Variants in POR observed in about 807,000 individuals in gnomAD.
POR encodes the protein cytochrome p450 oxidoreductase.
A neutral mutation model predicts 84.0 loss-of-function variants in POR; 56 were observed. The ratio of observed to expected loss-of-function variants is 0.67; its 90% CI spans 0.54 to 0.83. The LOEUF is 0.83. Among genes scored for constraint, POR ranks in the 40% least tolerant of loss-of-function variants. The probability of loss-of-function intolerance (pLI) is 0.00; values close to 1 mark genes in which losing one functional copy is unlikely to be tolerated. For missense variants in POR, 938 were observed against 944.3 expected, an observed-to-expected ratio of 0.99 and a Z score of 0.09; for synonymous variants, 414 against 400.5, an observed-to-expected ratio of 1.03 and a Z score of -0.40.
At chr7:75,979,348 G>A in intron 3 of POR, 103 bp from the exon 4 acceptor site, 1 of 1,384,788 alleles carries the variant, frequency 7.2e-7, no homozygotes, top group Non-Finnish European at 9.9e-7. Flanking sequence ...AGGAAAGGGG[G>A]CGGCCTGGAG....
intron 2 of POR, among the ~76,000 whole-genome samples, chr7:75,954,649 C>T (rs181997136): frequency 1.2e-3 from 186 of 151,786 alleles, no homozygotes; most frequent in African/African-American, 4.3e-3. Flanking sequence ...AGGCAGTCTT[C>T]CCACCTCAGC....
At chr7:75,953,201 C>T (rs956119648) in intron 1 of POR, among the ~76,000 whole-genome samples, 7 of 151,694 alleles carry the variant, frequency 4.6e-5, no homozygotes, top group Non-Finnish European at 7.4e-5. Context: ...CGCCTGCAAT[C>T]GCAGGCACTC....
chr7:75,965,038 T>TAA (rs11409081), intron 2 of POR, among the ~76,000 whole-genome samples: 1 of 151,500 alleles, frequency 6.6e-6, no homozygotes, highest in African/African-American at 2.4e-5. Context: ...AAAATCAATT[T>TAA]AAAAAAATGA....
chr7:75,922,025 C>A (rs1554548898), intron 1 of POR, among the ~76,000 whole-genome samples: 2 of 152,132 alleles, frequency 1.3e-5, no homozygotes, highest in African/African-American at 4.8e-5. Flanking sequence ...TGTCTTATTG[C>A]ATGTTTTCTT....
Position 75,927,670 on chromosome 7 carries a change from A to ATT in POR, c.-5+12508_-5+12509dup, listed in dbSNP as rs36041813. Among the ~76,000 whole-genome samples the ATT allele has an allele frequency of 1.2e-3, 165 of 135,196 alleles. 2 individuals carry two copies. The highest frequency in any genetic ancestry group is 2.5e-3 in the African/African-American group (89 of 35,744). 88.7% of individuals were successfully genotyped at this position (135,196 alleles called of 152,430 possible). ...TTTATGGTGTGTGAATTCTGTCTCA[A>ATT]TTTTTTTTTTTTTTTTTTGAGACTG... is the stretch of plus-strand genomic sequence containing the variant. On this transcript the variant is annotated intron_variant, in intron 1 of 15. Coordinates refer to ENST00000461988, the MANE Select transcript of POR (RefSeq NM_000941.3).
chr7:75,984,194 C>A (rs1789260685), intron 10 of POR, among the ~76,000 whole-genome samples: 1 of 152,224 alleles, frequency 6.6e-6, no homozygotes, highest in South Asian at 2.1e-4. Flanking sequence ...CCTCTGCCGG[C>A]CTGGGGCTGC....
intron 2 of POR, among the ~76,000 whole-genome samples, chr7:75,969,037 G>A (rs1290085652): frequency 2.6e-5 from 4 of 152,188 alleles, no homozygotes; most frequent in South Asian, 2.1e-4. Context: ...GGCCTTTCCC[G>A]GTTTCTTCAG....
intron 1 of POR, among the ~76,000 whole-genome samples, chr7:75,937,018 G>A (rs1200434791): frequency 1.3e-5 from 2 of 150,938 alleles, no homozygotes; most frequent in Non-Finnish European, 3.0e-5. Flanking sequence ...TAGTAGAGAC[G>A]GGGTTTCACC....
chr7:75,969,098 C>G (rs1554555767), intron 2 of POR, among the ~76,000 whole-genome samples: 1 of 152,214 alleles, frequency 6.6e-6, no homozygotes, highest in African/African-American at 2.4e-5. Context: ...CTGTCCTGTC[C>G]CATCCGTCCC....
rs782521790 is a variant in POR, at chr7:75,986,200, G to A, written c.1857G>A (p.Leu619=). The A allele has an allele frequency of 1.2e-6, 2 of 1,612,596 alleles. No homozygotes were observed. The highest frequency in any genetic ancestry group is 1.1e-5 in the South Asian group (1 of 91,072). The change falls in exon 15 of 16, where the codon CTG becomes CTA. Residue 619 remains leucine (L), a synonymous_variant. Transcript: ENST00000461988. ...TGCTAAAGCAAGACCGAGAGCACCTGTGGAAGTTGATCGAAGGCGGTGCCC... is the reference window on the plus strand; with the variant it reads ...TGCTAAAGCAAGACCGAGAGCACCTATGGAAGTTGATCGAAGGCGGTGCCC...
At chr7:75,943,348 A>G (rs1156356629) in intron 1 of POR, among the ~76,000 whole-genome samples, 3 of 152,164 alleles carry the variant, frequency 2.0e-5, no homozygotes, top group Admixed American at 6.6e-5. Context: ...CTCTGAGCTC[A>G]AAATAGTCAC....
intron 2 of POR, among the ~76,000 whole-genome samples, chr7:75,965,304 CAT>C (rs67144178): frequency 0.35 from 53,424 of 151,996 alleles, 9,624 homozygotes; most frequent in Middle Eastern, 0.48. Flanking sequence ...CTTTTGAAAA[CAT>C]AATTCTGGGA....
At chr7:75,958,666 G>T (rs368361398) in intron 2 of POR, among the ~76,000 whole-genome samples, 5 of 151,922 alleles carry the variant, frequency 3.3e-5, no homozygotes, top group Non-Finnish European at 5.9e-5. Flanking sequence ...GGCCTCCTAC[G>T]ATAGTGTTAG....
chr7:75,985,001 C>T, intron 11 of POR, 43 bp downstream of exon 11: 1 of 1,578,312 alleles, frequency 6.3e-7, no homozygotes, highest in Non-Finnish European at 8.6e-7. Flanking sequence ...CGTCACCCCG[C>T]CGTTTTCCGA....
At chr7:75,985,391 C>A (rs1308246001) in intron 12 of POR, 184 bp downstream of exon 12, 11 of 1,128,322 alleles carry the variant, frequency 9.7e-6, no homozygotes, top group Non-Finnish European at 1.2e-5. Context: ...AGATTCTCAG[C>A]ATCTGTCCAG....
chr7:75,986,842 T>C lies in POR; in HGVS notation c.*361T>C. 1.7e-6 allele frequency: 1 copy of C among 572,968 alleles called. No individual in the cohort carries two copies. The highest frequency in any genetic ancestry group is 2.4e-5 in the South Asian group (1 of 41,792). The allele number at this position is 572,968 out of a possible 1,614,324, so 35.5% of individuals were successfully genotyped here. On this transcript the variant is annotated 3_prime_UTR_variant, in exon 16 of 16. Coordinates refer to ENST00000461988, the MANE Select transcript of POR (RefSeq NM_000941.3). ...ATAACCTCTGGCCCTTGGAATAAAG[T>C]TCTGTTTTCTGTATTTGCCTGGTAT...
chr7:75,983,792 C>G lies in POR; in HGVS notation c.1002C>G (p.Val334=), dbSNP rs782440366. 3.7e-6 allele frequency: 6 copies of G among 1,612,426 alleles called. No individual in the cohort carries two copies. In the South Asian group the frequency reaches 4.4e-5, roughly 12 times the overall value. The change falls in exon 10 of 16, where the codon GTC becomes GTG. Residue 334 remains valine, a synonymous_variant. Transcript: ENST00000461988. The stretch of plus-strand genomic sequence containing the variant: ...ACCCAGCCAACGACTCTGCTCTCGT[C>G]AACCAGCTGGGCAAAATCCTGGGTG...
chr7:75,931,408 G>A (rs915186376), intron 1 of POR, among the ~76,000 whole-genome samples: 2 of 150,542 alleles, frequency 1.3e-5, no homozygotes, highest in Non-Finnish European at 3.0e-5. Flanking sequence ...CCTCTCTCAC[G>A]CAGGCTATAA....
In POR at chr7:75,986,385, C is replaced by G. The variant is rs375966522; in HGVS notation, c.1947C>G (p.Ile649Met). 1.2e-6 allele frequency: 2 copies of G among 1,612,578 alleles called. No homozygotes were observed. Among genetic ancestry groups the G allele is most frequent in the Non-Finnish European group, 1.7e-6 (2 of 1,179,866 alleles). ...ATGTGCAGAACACCTTCTACGACAT[C>G]GTGGCTGAGCTCGGGGCCATGGAGC... The change falls in exon 16 of 16, where the codon ATC (isoleucine) becomes ATG (methionine). Residue 649 changes from isoleucine (I) to methionine (M), a missense_variant. By Grantham distance (10) the Ile-to-Met change is conservative (BLOSUM62 1). Transcript: ENST00000461988.
Sources: allele counts gnomAD v4.1 joint callset (sites outside exome capture counted in the v4.1 genomes callset), GRCh38; gene constraint gnomAD v4.1.1; transcripts MANE v1.5; gene names NCBI Gene and HGNC (gene_info 2026-07-23, HGNC 2026-07-21).